ANKRD36C: variants seen among roughly 807,000 people sequenced by gnomAD.
ANKRD36C encodes ankyrin repeat domain-containing protein 36C.
Under a neutral mutation model 276.4 loss-of-function variants are expected in ANKRD36C, and 61 were observed. The ratio of observed to expected loss-of-function variants is 0.22; its 90% CI spans 0.18 to 0.27. The LOEUF is 0.27. Ranked by LOEUF, ANKRD36C falls within the 10% of genes least tolerant of loss-of-function variation. ANKRD36C has a pLI of 1.00. For missense variants in ANKRD36C, 1,447 were observed against 2,032.3 expected (o/e 0.71, Z 5.54); for synonymous variants, 483 against 680.1 (o/e 0.71, Z 4.51).
intron 44 of ANKRD36C, among the ~76,000 whole-genome samples, chr2:95,894,857 T>C (rs1209834254): frequency 6.6e-6 from 1 of 151,246 alleles, no homozygotes; most frequent in Non-Finnish European, 1.5e-5. Context: ...CCAAATGATC[T>C]GAAGTGAGTT....
chr2:95,889,493 CTT>C (rs1372183672), intron 48 of ANKRD36C, among the ~76,000 whole-genome samples: 1 of 151,546 alleles, frequency 6.6e-6, no homozygotes, highest in African/African-American at 2.4e-5. Flanking sequence ...TCTTTCCCCT[CTT>C]GATGAAAACA....
rs532343543 is a variant in ANKRD36C, at chr2:95,928,223, C to A, written c.1838-814G>T. 2.6e-5 allele frequency among the ~76,000 whole-genome samples: 4 copies of A among 151,726 alleles called. No homozygotes were observed. In the South Asian group the frequency reaches 8.3e-4, roughly 32 times the overall value. On this transcript the variant is annotated intron_variant, in intron 26 of 66. Coordinates refer to ENST00000456556, the Ensembl canonical transcript of ANKRD36C. ...GTAGGAGTTAATTAGAATTCAACATCATTTTTGTTTCTAAAATAGCCTTGT... is the reference window on the plus strand; with the variant it reads ...GTAGGAGTTAATTAGAATTCAACATAATTTTTGTTTCTAAAATAGCCTTGT...
intron 14 of ANKRD36C, among the ~76,000 whole-genome samples, chr2:95,953,381 T>A (rs2104489788): frequency 1.3e-5 from 2 of 152,212 alleles, no homozygotes; most frequent in South Asian, 2.1e-4. Context: ...TTTCCACAAT[T>A]TCTAATATTA....
chr2:95,858,869 A>T (rs1297133177), intron 61 of ANKRD36C, among the ~76,000 whole-genome samples: 1 of 152,172 alleles, frequency 6.6e-6, no homozygotes, highest in African/African-American at 2.4e-5. Flanking sequence ...GTTTTGGAAC[A>T]ACACAAGATC....
intron 6 of ANKRD36C, 29 bp downstream of exon 6, chr2:95,978,093 C>G (rs1486711188): frequency 2.3e-6 from 2 of 872,434 alleles, no homozygotes; most frequent in East Asian, 3.0e-5. Context: ...GTAGTACCAT[C>G]AAGAGTAATT....
intron 59 of ANKRD36C, among the ~76,000 whole-genome samples, chr2:95,868,236 C>T (rs1482544405): frequency 6.6e-6 from 1 of 151,738 alleles, no homozygotes; most frequent in Non-Finnish European, 1.5e-5. Flanking sequence ...GCTTCTGGAA[C>T]ACATTCTGTA....
intron 54 of ANKRD36C, 110 bp downstream of exon 74, chr2:95,884,063 T>G (rs1676144828): frequency 7.9e-7 from 1 of 1,265,548 alleles, no homozygotes; most frequent in Non-Finnish European, 1.1e-6. Context: ...ATCTCAGGTC[T>G]GCAGAATCAG....
intron 42 of ANKRD36C, among the ~76,000 whole-genome samples, chr2:95,911,574 C>T (rs1676926274): frequency 6.6e-6 from 1 of 151,450 alleles, no homozygotes; most frequent in African/African-American, 2.4e-5. Flanking sequence ...TCTCTGATGC[C>T]TAATAGTAAC....
exon 19 of ANKRD36C, chr2:95,944,634 A>G: frequency 6.5e-7 from 1 of 1,537,226 alleles, no homozygotes; most frequent in Non-Finnish European, 8.7e-7. Context: ...TACCTTATCA[A>G]CATTTTGGTC....
chr2:95,878,582 T>C (rs1254883870), intron 58 of ANKRD36C, among the ~76,000 whole-genome samples: 1 of 152,238 alleles, frequency 6.6e-6, no homozygotes, highest in Non-Finnish European at 1.5e-5. Context: ...GTACCTTACA[T>C]GTATAATTTC....
At chr2:95,912,763 G>A (rs1212361146) in intron 40 of ANKRD36C, among the ~76,000 whole-genome samples, 8 of 151,414 alleles carry the variant, frequency 5.3e-5, no homozygotes, top group Non-Finnish European at 8.9e-5. Context: ...ACTCATACAC[G>A]TGAGAATCAA....
At chr2:95,979,020 T>C (rs1426341817) in intron 5 of ANKRD36C, among the ~76,000 whole-genome samples, 1 of 151,968 alleles carries the variant, frequency 6.6e-6, no homozygotes, top group Non-Finnish European at 1.5e-5. Flanking sequence ...CCAACTGACA[T>C]GGAAGACAAA....
intron 46 of ANKRD36C, among the ~76,000 whole-genome samples, chr2:95,891,247 C>G (rs181463428): frequency 6.6e-6 from 1 of 150,848 alleles, no homozygotes; most frequent in Admixed American, 6.6e-5. Context: ...CCAGGGGTCT[C>G]CTTAGTTCTC....
At position 95,860,714 on chromosome 2, in the gene ANKRD36C, G is replaced by A. The variant is rs77541704; in HGVS notation, c.3683-640C>T. ...CCAGTTCTTTTGACAGAGTTTTGAC[G>A]GAGGTTCGAGGCCATGACAAAGGGA... On this transcript the variant is annotated intron_variant, in intron 60 of 66. Coordinates refer to ENST00000456556, the Ensembl canonical transcript of ANKRD36C. Among the ~76,000 whole-genome samples the A allele has an allele frequency of 7.9e-5, 12 of 152,272 alleles. No homozygotes were observed. In the East Asian group the frequency reaches 1.5e-3, roughly 20 times the overall value.
chr2:95,980,115 A>C (rs1380366386), intron 5 of ANKRD36C, among the ~76,000 whole-genome samples: 1 of 152,080 alleles, frequency 6.6e-6, no homozygotes, highest in East Asian at 1.9e-4. Context: ...GTAAGAAAGC[A>C]ACAACAGAAT....
chr2:95,882,551 C>T (rs1304910492), intron 54 of ANKRD36C, 54 bp from the exon 75 acceptor site: 3 of 1,547,770 alleles, frequency 1.9e-6, no homozygotes, highest in Non-Finnish European at 2.6e-6. Context: ...ATAAAGTTAT[C>T]CATACATTCA....
chr2:95,956,763 T>A (rs1048123802), intron 13 of ANKRD36C, 23 bp downstream of exon 13: 2 of 1,531,968 alleles, frequency 1.3e-6, no homozygotes, highest in African/African-American at 2.7e-5. Context: ...ACATATCACT[T>A]TAAAAAATCT....
chr2:95,916,462 C>T (rs2104411427), intron 36 of ANKRD36C, among the ~76,000 whole-genome samples: 1 of 151,664 alleles, frequency 6.6e-6, no homozygotes, highest in East Asian at 2.0e-4. Context: ...GTGATGAGGA[C>T]AAATGTGATC....
chr2:95,891,030 G>C lies in ANKRD36C; in HGVS notation c.2857+635C>G, dbSNP rs1374910967. ...GAAAGAGGAGTAATGAGTCAGTGTG[G>C]TGTATTCCAATTATACCATTGTTTC... On this transcript the variant is annotated intron_variant, in intron 46 of 66. Transcript: ENST00000456556. Among the ~76,000 whole-genome samples, 3 of 151,370 alleles carry C rather than the reference G, an allele frequency of 2.0e-5. No homozygotes were observed. In the East Asian group the frequency reaches 5.8e-4, roughly 29 times the overall value.
Sources: gnomAD v4.1 joint callset for allele counts (sites outside exome capture counted in the v4.1 genomes callset) on GRCh38, gnomAD v4.1.1 for gene constraint, MANE v1.5 for transcripts, NCBI Gene and HGNC (gene_info 2026-07-23, HGNC 2026-07-21) for gene names.